ACP2: variants seen among roughly 807,000 people sequenced by gnomAD.
ACP2 encodes the protein lysosomal acid phosphatase.
In ACP2, 35 loss-of-function variants were observed where a neutral mutation model predicts 54.7. The ratio of observed to expected loss-of-function variants is 0.64; its 90% CI spans 0.49 to 0.85. The LOEUF is 0.85. ACP2 is among the 40% of genes least tolerant of loss of function. The pLI is 0.00. For synonymous variants in ACP2, 210 were observed against 224.4 expected, an observed-to-expected ratio of 0.94 and a Z score of 0.57; for missense variants, 492 against 565.0, an observed-to-expected ratio of 0.87 and a Z score of 1.31.
chr11:47,246,444 C>A (rs1954086954), intron 3 of ACP2, among the ~76,000 whole-genome samples: 1 of 152,016 alleles, frequency 6.6e-6, no homozygotes, highest in Non-Finnish European at 1.5e-5. Context: ...CCAAGTGTGG[C>A]GGGCACTTGT....
chr11:47,248,570 G>T (rs1954323488), intron 1 of ACP2, 106 bp downstream of exon 1: 2 of 1,551,626 alleles, frequency 1.3e-6, no homozygotes, highest in Non-Finnish European at 1.7e-6. Flanking sequence ...CAGGCCAGTC[G>T]TCCCCTCCTA....
chr11:47,244,626 A>G, intron 7 of ACP2, 109 bp downstream of exon 7: 2 of 843,060 alleles, frequency 2.4e-6, no homozygotes, highest in South Asian at 2.9e-5. Context: ...GTTTTGAAAG[A>G]GCAGGGAGTG....
At chr11:47,248,002 C>A in intron 2 of ACP2, 36 bp downstream of exon 2, 1 of 1,532,118 alleles carries the variant, frequency 6.5e-7, no homozygotes, top group Non-Finnish European at 8.8e-7. Context: ...GCTCATTCTG[C>A]AGCTCATCCT....
At chr11:47,245,117 T>C in intron 6 of ACP2, 188 bp downstream of exon 6, 1 of 897,046 alleles carries the variant, frequency 1.1e-6, no homozygotes, top group South Asian at 1.4e-5. Flanking sequence ...CTGCTGACAA[T>C]TAATAAACCA....
At chr11:47,246,986 A>G (rs1954140800) in intron 3 of ACP2, among the ~76,000 whole-genome samples, 1 of 152,168 alleles carries the variant, frequency 6.6e-6, no homozygotes, top group African/African-American at 2.4e-5. Flanking sequence ...TAAGAGAACA[A>G]TAACAATGTC....
At chr11:47,248,493 A>C in intron 1 of ACP2, 183 bp downstream of exon 1, 1 of 1,550,474 alleles carries the variant, frequency 6.4e-7, no homozygotes, top group Non-Finnish European at 8.7e-7. Context: ...ACCCCGACGT[A>C]TTCGGTCATC....
At chr11:47,245,594 C>T (rs1393886216) in intron 4 of ACP2, 22 bp from the exon 5 acceptor site, 3 of 1,614,234 alleles carry the variant, frequency 1.9e-6, no homozygotes, top group Non-Finnish European at 1.7e-6. Context: ...AGCGGGGAAA[C>T]AGGCAGCGGG....
chr11:47,240,714 G>A (rs1328427672), intron 10 of ACP2, among the ~76,000 whole-genome samples: 1 of 151,932 alleles, frequency 6.6e-6, no homozygotes, highest in Non-Finnish European at 1.5e-5. Flanking sequence ...CCAACTACTC[G>A]GGAGGCTGAG....
intron 10 of ACP2, among the ~76,000 whole-genome samples, chr11:47,241,793 A>C (rs1265179381): frequency 4.6e-5 from 7 of 152,244 alleles, no homozygotes; most frequent in Non-Finnish European, 1.5e-5. Flanking sequence ...GCCTGGAAGA[A>C]GAGCAGCTGT....
rs935566104 is a variant in ACP2, at chr11:47,248,707, G to A, written c.83C>T (p.Thr28Ile). 6 of 1,611,996 alleles carry A rather than the reference G, an allele frequency of 3.7e-6. No homozygotes were observed. Among genetic ancestry groups the A allele is most frequent in the Admixed American group, 1.7e-5 (1 of 59,732 alleles). The change falls in exon 1 of 11, where the codon ACC (threonine) becomes ATC (isoleucine). Residue 28 changes from threonine (T) to isoleucine (I), a missense_variant. Transcript: ENST00000672073. The stretch of plus-strand genomic sequence containing the variant: ...AACGAAGCGCAGACTCCGGGCCCGG[G>A]TGGGCGGCATCACCACCAGGTTCAC... Reference protein sequence around the residue: ...LGVNLVVMPPTRARSLRFVTL... With the variant: ...LGVNLVVMPPIRARSLRFVTL...
rs763547626 is a variant in ACP2, at chr11:47,239,949, A to G, written c.*167T>C. On this transcript the variant is annotated 3_prime_UTR_variant, in exon 11 of 11. Coordinates refer to ENST00000672073, the MANE Select transcript of ACP2 (RefSeq NM_001610.4). The stretch of plus-strand genomic sequence containing the variant: ...ACATCAGGCATGGGAATGCTGAGTG[A>G]CAGGCACCATGGGCCACGCTGAGCC... 12 of 649,882 alleles carry G rather than the reference A, an allele frequency of 1.8e-5. No homozygotes were observed. The highest frequency in any genetic ancestry group is 3.1e-5 in the Non-Finnish European group (12 of 383,430). The allele number at this position is 649,882 out of a possible 1,614,324, so 40.3% of individuals were successfully genotyped here.
chr11:47,242,699 G>A, intron 10 of ACP2, 24 bp downstream of exon 10: 1 of 1,599,678 alleles, frequency 6.3e-7, no homozygotes, highest in Non-Finnish European at 8.5e-7. Flanking sequence ...GGCATGACTA[G>A]CAAGGAGGCC....
chr11:47,244,862 C>A lies in ACP2; in HGVS notation c.645G>T (p.Thr215=). The change falls in exon 7 of 11, where the codon ACG becomes ACT. Residue 215 remains threonine (T), a synonymous_variant. Coordinates refer to ENST00000672073, the MANE Select transcript of ACP2 (RefSeq NM_001610.4). ...CCCAGGGCGGCAGGCGCAGCCCGTG[C>A]GTTTGCTGTGTATCGCAGCAGGCAG... The part of the protein sequence containing the change: ...NVYDTLFCEQ[T]HGLRLPPWAS... 1.2e-6 allele frequency: 2 copies of A among 1,604,742 alleles called. No individual in the cohort carries two copies. Among genetic ancestry groups the A allele is most frequent in the Non-Finnish European group, 1.7e-6 (2 of 1,173,810 alleles).
intron 6 of ACP2, 60 bp downstream of exon 6, chr11:47,245,245 G>T: frequency 6.4e-7 from 1 of 1,558,000 alleles, no homozygotes; most frequent in Non-Finnish European, 8.9e-7. Flanking sequence ...TACCGTCCTG[G>T]TGACCTGGGC....
In ACP2 at chr11:47,243,240, G is replaced by GC. The variant is rs768889576; in HGVS notation, c.853dup (p.Ala285GlyfsTer19). 1 of 1,614,098 alleles carries GC rather than the reference G, an allele frequency of 6.2e-7. No individual in the cohort carries two copies. The highest frequency in any genetic ancestry group is 8.5e-7 in the Non-Finnish European group (1 of 1,180,036). Reference sequence around the variant, plus strand: ...ACGCTAGGGAGCGCAGGCACTCACCGCAGAGTAAACCAGCAGCTTGGGGAG... The same window carrying GC: ...ACGCTAGGGAGCGCAGGCACTCACCGCCAGAGTAAACCAGCAGCTTGGGGAG... On this transcript the variant is annotated frameshift_variant and splice_region_variant, in exon 8 of 11. Transcript: ENST00000672073. LOFTEE classifies it high-confidence loss of function.
rs369555944 is a variant in ACP2 at position 47,248,110 on chromosome 11, T to A, written c.138A>T (p.Ser46=). The A allele has an allele frequency of 3.0e-5, 49 of 1,611,094 alleles. No individual in the cohort carries two copies. The African/African-American group carries it at 6.0e-4, about 20-fold the overall frequency. ...GGTCCTTGGGATATGTCTTCACTGG[T>A]GAACGGTCTCCATGGCGGTACAGCT... The part of the protein sequence containing the change: ...VTLLYRHGDR[S]PVKTYPKDPY... Residue 46 remains serine (S), a synonymous_variant, in exon 2 of 11, where the codon TCA becomes TCT. Transcript: ENST00000672073.
At chr11:47,245,079 AGGAGCTCTGGGT>A in intron 6 of ACP2, 1 of 981,970 alleles carries the variant, frequency 1.0e-6, no homozygotes, top group East Asian at 2.6e-5. Flanking sequence ...CTCAGCAGAA[AGGAGCTCTGGGT>A]GGAGAGCAGC....
rs191547561 is a variant in ACP2 at position 47,241,370 on chromosome 11, A to C, written c.1139-1121T>G. Among the ~76,000 whole-genome samples, 28 of 152,290 alleles carry C rather than the reference A, an allele frequency of 1.8e-4. No homozygotes were observed. The East Asian group carries it at 5.0e-3, about 27-fold the overall frequency. ...TCATCTCTACTGAAAATACAAAATC[A>C]GCTGGGCATGGTGATGCATGCCTGT... is the stretch of plus-strand genomic sequence containing the variant. On this transcript the variant is annotated intron_variant, in intron 10 of 10. Coordinates refer to ENST00000672073, the MANE Select transcript of ACP2 (RefSeq NM_001610.4).
rs1170427664 is a variant in ACP2, at chr11:47,248,126, C to T, written c.122G>A (p.Arg41His). ...CTTCACTGGTGAACGGTCTCCATGGCGGTACAGCTGAGAGAATAAAATGGT... is the reference window on the plus strand; with the variant it reads ...CTTCACTGGTGAACGGTCTCCATGGTGGTACAGCTGAGAGAATAAAATGGT... ...RSLRFVTLLY[R>H]HGDRSPVKTY... The change falls in exon 2 of 11, where the codon CGC becomes CAC. Residue 41 changes from arginine to histidine, a missense_variant. Transcript: ENST00000672073. 1.9e-6 allele frequency: 3 copies of T among 1,604,088 alleles called. No homozygotes were observed. The highest frequency in any genetic ancestry group is 2.2e-5 in the South Asian group (2 of 89,426).
Sources: allele counts gnomAD v4.1 joint callset (sites outside exome capture counted in the v4.1 genomes callset), GRCh38; gene constraint gnomAD v4.1.1; transcripts MANE v1.5; gene names NCBI Gene and HGNC (gene_info 2026-07-23, HGNC 2026-07-21).